OSER1: variants seen among roughly 807,000 people sequenced by gnomAD.
OSER1 encodes the protein oxidative stress responsive serine rich 1, also known as oxidative stress-responsive serine-rich protein 1.
Under a neutral mutation model 26.3 loss-of-function variants are expected in OSER1, and 15 were observed. The ratio of observed to expected loss-of-function variants is 0.57; its 90% CI spans 0.38 to 0.88. The LOEUF is 0.88. Ranked by LOEUF, OSER1 falls within the 40% of genes least tolerant of loss-of-function variation. OSER1 has a pLI of 0.00. For missense variants in OSER1, 313 were observed against 353.9 expected (o/e 0.88, Z 0.93); for synonymous variants, 127 against 128.2 (o/e 0.99, Z 0.07).
intron 1 of OSER1, among the ~76,000 whole-genome samples, chr20:44,208,781 G>GTT (rs2073065643): frequency 2.0e-5 from 3 of 152,050 alleles, no homozygotes; most frequent in Non-Finnish European, 2.9e-5. Context: ...CTTATGATCC[G>GTT]TTAGTCAATG....
intron 1 of OSER1, chr20:44,209,906 C>G (rs905911718): frequency 2.0e-5 from 3 of 152,134 alleles, no homozygotes; most frequent in Non-Finnish European, 4.4e-5. Flanking sequence ...TCCCAGACCA[C>G]CAGAAAGCGT....
At position 44,196,298 on chromosome 20, in the gene OSER1, A is replaced by C. The variant is rs1036311509; in HGVS notation, c.*754T>G. 1.6e-4 allele frequency among the ~76,000 whole-genome samples: 21 copies of C among 129,874 alleles called. No individual in the cohort carries two copies. Among genetic ancestry groups the C allele is most frequent in the Middle Eastern group, 7.7e-3 (2 of 260 alleles). 85.2% of individuals were successfully genotyped at this position (129,874 alleles called of 152,430 possible). On this transcript the variant is annotated 3_prime_UTR_variant, in exon 4 of 4. Transcript: ENST00000255174. ...GACCTGTATTACAACTGATAACAAA[A>C]AAAAAAAAAAAAAACCGCCATATAT...
chr20:44,204,209 T>G (rs2073016892), intron 2 of OSER1, among the ~76,000 whole-genome samples: 1 of 152,242 alleles, frequency 6.6e-6, no homozygotes, highest in Non-Finnish European at 1.5e-5. Flanking sequence ...TATAGAGATT[T>G]GTCCTAATAA....
At position 44,199,005 on chromosome 20, in the gene OSER1, GTTATTAGA is replaced by G. The variant is rs1316334707; in HGVS notation, c.192-1274_192-1267del. ...CATTAGTCATTTAGTAGCCATCTTGGTTATTAGATCAACTACCATGGTACTGCAGTGCT... is the reference window on the plus strand; with the variant it reads ...CATTAGTCATTTAGTAGCCATCTTGGTCAACTACCATGGTACTGCAGTGCT... On this transcript the variant is annotated intron_variant, in intron 3 of 3. Transcript: ENST00000255174. Among the ~76,000 whole-genome samples, 7 of 152,256 alleles carry G rather than the reference GTTATTAGA, an allele frequency of 4.6e-5. No homozygotes were observed. In the East Asian group the frequency reaches 1.3e-3, roughly 29 times the overall value.
intron 2 of OSER1, among the ~76,000 whole-genome samples, chr20:44,203,730 A>ACACACACACC (rs1345326374): frequency 2.4e-4 from 36 of 147,252 alleles, no homozygotes; most frequent in African/African-American, 7.1e-4. Context: ...ACACACACAC[A>ACACACACACC]CCCCTCCTAC....
intron 1 of OSER1, 26 bp from the exon 2 acceptor site, chr20:44,207,024 A>C: frequency 8.7e-7 from 1 of 1,152,926 alleles, no homozygotes; most frequent in Non-Finnish European, 1.3e-6. Context: ...AAGTGAGCAA[A>C]GTAAAAACAG....
chr20:44,207,039 G>A (rs1206117064), intron 1 of OSER1, 41 bp from the exon 2 acceptor site: 9 of 966,876 alleles, frequency 9.3e-6, no homozygotes, highest in South Asian at 1.5e-5. Flanking sequence ...AAACAGGTGG[G>A]ATCAAAAGTA....
At chr20:44,209,171 T>C (rs1380372269) in intron 1 of OSER1, among the ~76,000 whole-genome samples, 1 of 152,234 alleles carries the variant, frequency 6.6e-6, no homozygotes, top group Non-Finnish European at 1.5e-5. Context: ...TAGATGTTAA[T>C]ACAAACTTTA....
chr20:44,210,458 G>A (rs1449796954), intron 1 of OSER1, among the ~76,000 whole-genome samples: 1 of 152,242 alleles, frequency 6.6e-6, no homozygotes, highest in East Asian at 1.9e-4. Flanking sequence ...CGGGGCGGGG[G>A]ACCGCGGGAG....
At chr20:44,198,435 C>T (rs997726732) in intron 3 of OSER1, among the ~76,000 whole-genome samples, 1 of 152,010 alleles carries the variant, frequency 6.6e-6, no homozygotes, top group East Asian at 1.9e-4. Context: ...CTGGCTAAAG[C>T]GGTGAAACCC....
chr20:44,208,422 TAAA>T (rs3037689), intron 1 of OSER1, among the ~76,000 whole-genome samples: 2 of 131,400 alleles, frequency 1.5e-5, no homozygotes, highest in African/African-American at 2.9e-5. Context: ...ATTCAGCTAC[TAAA>T]AAAAAAAAAA....
At chr20:44,208,843 A>T (rs1031916915) in intron 1 of OSER1, among the ~76,000 whole-genome samples, 1 of 152,198 alleles carries the variant, frequency 6.6e-6, no homozygotes. Flanking sequence ...CCCAACCCGC[A>T]GACCGCCCCC....
rs1174363587 is a variant in OSER1, at chr20:44,197,532, T to C, written c.399A>G (p.Glu133=). Residue 133 remains glutamate (E), a synonymous_variant, in exon 4 of 4, where the codon GAA becomes GAG. Transcript: ENST00000255174. ...ISSPKEFSAG[E]SSTSLDANHT... is the part of the protein sequence containing the mutation. ...GATTAGCATCGAGAGAAGTAGAGCTTTCTCCTGCACTGAACTCTTTAGGGG... is the reference window on the plus strand; with the variant it reads ...GATTAGCATCGAGAGAAGTAGAGCTCTCTCCTGCACTGAACTCTTTAGGGG... 3.7e-6 allele frequency: 6 copies of C among 1,613,968 alleles called. No individual in the cohort carries two copies. The Admixed American group carries it at 6.7e-5, about 18-fold the overall frequency.
intron 1 of OSER1, 52 bp from the exon 2 acceptor site, chr20:44,207,050 T>A (rs2073045066): frequency 1.2e-6 from 1 of 839,464 alleles, no homozygotes; most frequent in Non-Finnish European, 1.9e-6. Flanking sequence ...ATCAAAAGTA[T>A]ACCTGTTACC....
At chr20:44,199,112 A>T (rs1266385417) in intron 3 of OSER1, among the ~76,000 whole-genome samples, 2 of 152,248 alleles carry the variant, frequency 1.3e-5, no homozygotes. Flanking sequence ...CAGTTTGGGT[A>T]TACCAAGAAA....
At chr20:44,201,801 CT>C (rs1456779249) in intron 3 of OSER1, among the ~76,000 whole-genome samples, 1 of 151,770 alleles carries the variant, frequency 6.6e-6, no homozygotes, top group Non-Finnish European at 1.5e-5. Context: ...TTCCAAACCA[CT>C]AGAGGAAAAG....
At chr20:44,209,007 G>A (rs1363062719) in intron 1 of OSER1, among the ~76,000 whole-genome samples, 1 of 152,156 alleles carries the variant, frequency 6.6e-6, no homozygotes, top group Non-Finnish European at 1.5e-5. Context: ...TGAATGCTAG[G>A]GATAGAAGCC....
At chr20:44,198,504 A>T (rs1322905170) in intron 3 of OSER1, among the ~76,000 whole-genome samples, 1 of 152,116 alleles carries the variant, frequency 6.6e-6, no homozygotes, top group Admixed American at 6.5e-5. Context: ...CTGTAGTCCC[A>T]GATACTTGGG....
intron 3 of OSER1, among the ~76,000 whole-genome samples, chr20:44,199,689 G>A (rs913173696): frequency 2.0e-5 from 3 of 152,236 alleles, no homozygotes; most frequent in Admixed American, 6.5e-5. Flanking sequence ...TAGACTTGCT[G>A]TTGCACTTCA....
Sources: gnomAD v4.1 joint callset for allele counts (sites outside exome capture counted in the v4.1 genomes callset) on GRCh38, gnomAD v4.1.1 for gene constraint, MANE v1.5 for transcripts, NCBI Gene and HGNC (gene_info 2026-07-23, HGNC 2026-07-21) for gene names.